Variants in FGGY observed in about 807,000 individuals in gnomAD.
The protein encoded by FGGY is FGGY carbohydrate kinase domain-containing protein.
In FGGY, 72 loss-of-function variants were observed where a neutral mutation model predicts 71.3. That is an observed-to-expected ratio of 1.01 (90% CI 0.84 to 1.23). The LOEUF (loss-of-function observed/expected upper bound fraction) is 1.23, where lower values mean the gene tolerates loss of function less well. FGGY is among the 50% of genes most tolerant of loss of function. FGGY has a pLI of 0.00. For missense variants in FGGY, 668 were observed against 682.3 expected, an observed-to-expected ratio of 0.98 and a Z score of 0.23; for synonymous variants, 251 against 250.3, an observed-to-expected ratio of 1.00 and a Z score of -0.02.
At chr1:59,504,628 A>T (rs542052238) in intron 6 of FGGY, among the ~76,000 whole-genome samples, 2 of 152,354 alleles carry the variant, frequency 1.3e-5, no homozygotes, top group South Asian at 4.1e-4. Flanking sequence ...GAGGAAAAAC[A>T]TGATTTCAGA....
chr1:59,618,840 A>G (rs568475855), intron 9 of FGGY, among the ~76,000 whole-genome samples: 1 of 152,132 alleles, frequency 6.6e-6, no homozygotes, highest in Non-Finnish European at 1.5e-5. Flanking sequence ...CCAAAGGTCA[A>G]TTAGCATTGA....
intron 14 of FGGY, among the ~76,000 whole-genome samples, chr1:59,686,539 T>A (rs1033189647): frequency 2.0e-5 from 3 of 152,196 alleles, no homozygotes; most frequent in Admixed American, 1.3e-4. Context: ...TGCTACCCTA[T>A]GAAATATTTT....
chr1:59,546,686 A>G (rs1440001661), intron 7 of FGGY, among the ~76,000 whole-genome samples: 1 of 151,810 alleles, frequency 6.6e-6, no homozygotes, highest in Non-Finnish European at 1.5e-5. Context: ...AGCTGGGACT[A>G]TAGGTGCCGC....
At chr1:59,308,964 C>T (rs1015963175) in intron 1 of FGGY, among the ~76,000 whole-genome samples, 1 of 151,946 alleles carries the variant, frequency 6.6e-6, no homozygotes, top group Non-Finnish European at 1.5e-5. Context: ...TAATTTGCTT[C>T]TAGAGTGTTT....
chr1:59,473,037 C>T (rs2093051975), intron 6 of FGGY, among the ~76,000 whole-genome samples: 1 of 152,136 alleles, frequency 6.6e-6, no homozygotes, highest in Admixed American at 6.5e-5. Context: ...TGGGTGGGGC[C>T]AGATAAGAGA....
chr1:59,629,308 A>G (rs1232096638), intron 10 of FGGY, among the ~76,000 whole-genome samples: 1 of 152,234 alleles, frequency 6.6e-6, no homozygotes, highest in African/African-American at 2.4e-5. Flanking sequence ...TAATAGGATC[A>G]GCACACCTAC....
chr1:59,657,399 A>G (rs1335506560), intron 11 of FGGY, among the ~76,000 whole-genome samples: 1 of 152,138 alleles, frequency 6.6e-6, no homozygotes, highest in East Asian at 1.9e-4. Context: ...TGGCCCAGCA[A>G]CTTCCCTAGG....
At chr1:59,481,878 G>A (rs2093484175) in intron 6 of FGGY, among the ~76,000 whole-genome samples, 1 of 152,072 alleles carries the variant, frequency 6.6e-6, no homozygotes, top group Admixed American at 6.5e-5. Context: ...TTTACCCATG[G>A]GAATGTGTAT....
At chr1:59,548,099 G>A (rs1466941735) in intron 7 of FGGY, among the ~76,000 whole-genome samples, 5 of 152,148 alleles carry the variant, frequency 3.3e-5, no homozygotes, top group South Asian at 2.1e-4. Context: ...AGGCTTGGTC[G>A]GTTCTGCTGG....
intron 8 of FGGY, among the ~76,000 whole-genome samples, chr1:59,566,488 C>T (rs984276549): frequency 2.0e-5 from 3 of 151,990 alleles, no homozygotes; most frequent in Non-Finnish European, 2.9e-5. Context: ...ATGGTTAGAG[C>T]CCCAGGAGAA....
chr1:59,652,174 C>T (rs1225395623), intron 11 of FGGY, among the ~76,000 whole-genome samples: 1 of 151,870 alleles, frequency 6.6e-6, no homozygotes, highest in Non-Finnish European at 1.5e-5. Flanking sequence ...TTCTCTCTGG[C>T]TGCCCTTAAC....
chr1:59,565,016 GGCA>G (rs1221141833), intron 8 of FGGY, among the ~76,000 whole-genome samples: 4 of 152,170 alleles, frequency 2.6e-5, no homozygotes, highest in African/African-American at 9.6e-5. Flanking sequence ...CCTCCTGATT[GGCA>G]GCATGGGTTC....
rs567219058 is a variant in FGGY, at chr1:59,562,837, T to G, written c.903+8610T>G. 1.6e-4 allele frequency among the ~76,000 whole-genome samples: 25 copies of G among 152,318 alleles called. No individual in the cohort carries two copies. In the South Asian group the frequency reaches 4.8e-3, roughly 29 times the overall value. ...ATCTTGATTGTGGTAATAACTTCAC[T>G]GATCTATGCTATGTCAAAACTTTCC... is the stretch of plus-strand genomic sequence containing the variant. On this transcript the variant is annotated intron_variant, in intron 8 of 15. Transcript: ENST00000303721.
At chr1:59,644,962 C>T (rs141376671) in intron 11 of FGGY, among the ~76,000 whole-genome samples, 23 of 148,398 alleles carry the variant, frequency 1.5e-4, no homozygotes, top group African/African-American at 5.4e-4. Context: ...GGCAAGACAG[C>T]GAGGCTCCAT....
intron 14 of FGGY, among the ~76,000 whole-genome samples, chr1:59,729,178 G>T (rs2097991275): frequency 1.3e-5 from 2 of 151,570 alleles, no homozygotes; most frequent in South Asian, 4.1e-4. Context: ...CTTTGTTTCT[G>T]TTGGTCTTTT....
At chr1:59,603,335 ACTCCATTATTAAG>A (rs1472235001) in intron 8 of FGGY, among the ~76,000 whole-genome samples, 1 of 152,090 alleles carries the variant, frequency 6.6e-6, no homozygotes, top group Non-Finnish European at 1.5e-5. Context: ...ATCATCTTCT[ACTCCATTATTAAG>A]CATATTGATT....
intron 5 of FGGY, among the ~76,000 whole-genome samples, chr1:59,436,896 C>T (rs1468235577): frequency 6.6e-6 from 1 of 152,172 alleles, no homozygotes; most frequent in Non-Finnish European, 1.5e-5. Flanking sequence ...GGCCACTGTC[C>T]TTGGAGAAAG....
At chr1:59,716,643 A>G in intron 14 of FGGY, among the ~76,000 whole-genome samples, 1 of 152,348 alleles carries the variant, frequency 6.6e-6, no homozygotes, top group South Asian at 2.1e-4. Flanking sequence ...TACTGAGACA[A>G]CAGCAGGCAT....
intron 14 of FGGY, among the ~76,000 whole-genome samples, chr1:59,704,763 A>G (rs115101555): frequency 0.018 from 2,786 of 152,250 alleles, 57 homozygotes; most frequent in African/African-American, 0.044. Context: ...AGTTCTTTAT[A>G]TACAAATATG....
Sources: gnomAD v4.1 joint callset for allele counts (sites outside exome capture counted in the v4.1 genomes callset) on GRCh38, gnomAD v4.1.1 for gene constraint, MANE v1.5 for transcripts, NCBI Gene and HGNC (gene_info 2026-07-23, HGNC 2026-07-21) for gene names.